NCAM2: variants seen among roughly 807,000 people sequenced by gnomAD.
NCAM2 encodes the protein N-CAM-2.
NCAM2 carries 30 observed loss-of-function variants against 98.1 expected under a neutral mutation model. That is an observed-to-expected ratio of 0.31 (90% CI 0.23 to 0.41). NCAM2 has a LOEUF of 0.41. NCAM2 is among the 10% of genes least tolerant of loss of function. The pLI is 1.00. For missense variants in NCAM2, 867 were observed against 1,005.8 expected (o/e 0.86, Z 1.87); for synonymous variants, 368 against 342.4 (o/e 1.07, Z -0.83).
intron 15 of NCAM2, among the ~76,000 whole-genome samples, chr21:21,482,781 T>TTCAA (rs1555905913): frequency 2.0e-5 from 3 of 151,122 alleles, no homozygotes; most frequent in African/African-American, 4.8e-5. Context: ...TTTTTCATTT[T>TTCAA]TTCTTATTAA....
chr21:21,123,847 G>GTTTTTTTT (rs1569047303), intron 1 of NCAM2, among the ~76,000 whole-genome samples: 1 of 14,814 alleles, frequency 6.8e-5, no homozygotes, highest in Admixed American at 1.1e-3. Context: ...ATTCTTGATT[G>GTTTTTTTT]CTTTTTTTTT....
chr21:21,462,087 G>T (rs1475491748), intron 12 of NCAM2, among the ~76,000 whole-genome samples: 2 of 151,994 alleles, frequency 1.3e-5, no homozygotes, highest in Non-Finnish European at 2.9e-5. Flanking sequence ...AAACTTGAGG[G>T]ACTTCACTGT....
intron 1 of NCAM2, among the ~76,000 whole-genome samples, chr21:21,224,999 C>T (rs994210138): frequency 1.3e-5 from 2 of 152,048 alleles, no homozygotes; most frequent in African/African-American, 2.4e-5. Context: ...ACATAAAAGA[C>T]ATGGAATCAA....
intron 1 of NCAM2, among the ~76,000 whole-genome samples, chr21:21,029,777 C>G (rs763304411): frequency 6.6e-5 from 10 of 151,866 alleles, no homozygotes; most frequent in Non-Finnish European, 1.5e-4. Context: ...GCTGCAAGTG[C>G]ACACCGCCAT....
At chr21:21,464,294 G>C (rs1483251230) in intron 12 of NCAM2, among the ~76,000 whole-genome samples, 2 of 151,976 alleles carry the variant, frequency 1.3e-5, no homozygotes, top group Non-Finnish European at 2.9e-5. Context: ...TCCAAAACAT[G>C]TTAGGCCTTA....
At chr21:21,332,256 T>G (rs189879442) in intron 6 of NCAM2, among the ~76,000 whole-genome samples, 2 of 152,154 alleles carry the variant, frequency 1.3e-5, no homozygotes, top group East Asian at 3.9e-4. Flanking sequence ...TGTTTTGGGG[T>G]GCTGAATATT....
intron 10 of NCAM2, among the ~76,000 whole-genome samples, chr21:21,416,839 C>A (rs920245634): frequency 3.3e-5 from 5 of 151,936 alleles, no homozygotes; most frequent in African/African-American, 1.2e-4. Context: ...TAGAATACAT[C>A]AAATAAGCTT....
At chr21:21,264,696 C>A (rs951738423) in intron 1 of NCAM2, among the ~76,000 whole-genome samples, 5 of 148,854 alleles carry the variant, frequency 3.4e-5, no homozygotes, top group African/African-American at 9.8e-5. Flanking sequence ...CACACACATA[C>A]ATACACACAC....
At chr21:21,066,926 C>A (rs767007564) in intron 1 of NCAM2, among the ~76,000 whole-genome samples, 2 of 151,910 alleles carry the variant, frequency 1.3e-5, no homozygotes, top group East Asian at 1.9e-4. Context: ...ATAACTGTAG[C>A]GTGTGTTAGA....
chr21:21,248,288 A>C (rs536027843), intron 1 of NCAM2, among the ~76,000 whole-genome samples: 3 of 152,128 alleles, frequency 2.0e-5, no homozygotes, highest in African/African-American at 7.2e-5. Context: ...ATGATTTCCA[A>C]TCTACTTTTC....
At chr21:21,276,711 T>G (rs560947284) in intron 1 of NCAM2, among the ~76,000 whole-genome samples, 114 of 152,214 alleles carry the variant, frequency 7.5e-4, no homozygotes, top group Middle Eastern at 3.4e-3. Flanking sequence ...TGCCAATGTT[T>G]TAATATATAT....
In NCAM2 at chr21:21,410,212, A is replaced by G. The variant is rs1602253037; in HGVS notation, c.1196-62A>G. 6 of 882,450 alleles carry G rather than the reference A, an allele frequency of 6.8e-6. No individual in the cohort carries two copies. In the Admixed American group the frequency reaches 9.7e-5, roughly 14 times the overall value. 54.7% of individuals were successfully genotyped at this position (882,450 alleles called of 1,614,324 possible). On this transcript the variant is annotated intron_variant, in intron 9 of 17. Coordinates refer to ENST00000400546, the MANE Select transcript of NCAM2 (RefSeq NM_004540.5). ...AGTAGAAATAACTAATGCTTATACT[A>G]CTTAAATGATTATTTAACTTAAAGA...
chr21:21,244,363 C>T (rs2071181590), intron 1 of NCAM2, among the ~76,000 whole-genome samples: 1 of 152,142 alleles, frequency 6.6e-6, no homozygotes, highest in Admixed American at 6.5e-5. Context: ...ATACAGTACA[C>T]AATTTATGCA....
chr21:21,372,636 G>C (rs1295837828), intron 8 of NCAM2, among the ~76,000 whole-genome samples: 1 of 151,796 alleles, frequency 6.6e-6, no homozygotes, highest in Non-Finnish European at 1.5e-5. Flanking sequence ...AATGACCTTG[G>C]ACTTTTAGTG....
chr21:21,290,490 T>C (rs1430550517), intron 4 of NCAM2, among the ~76,000 whole-genome samples: 1 of 151,882 alleles, frequency 6.6e-6, no homozygotes, highest in African/African-American at 2.4e-5. Context: ...GTCTTTCTTT[T>C]GATGAGGGCA....
At chr21:21,293,288 A>C in intron 5 of NCAM2, among the ~76,000 whole-genome samples, 1 of 149,170 alleles carries the variant, frequency 6.7e-6, no homozygotes, top group African/African-American at 2.5e-5. Flanking sequence ...TGGTGATCTA[A>C]TTTTTTTTTT....
intron 16 of NCAM2, among the ~76,000 whole-genome samples, chr21:21,531,186 G>C (rs2146418812): frequency 6.6e-6 from 1 of 151,914 alleles, no homozygotes; most frequent in Middle Eastern, 3.4e-3. Flanking sequence ...ATTTGATTTT[G>C]TATTACTTGC....
chr21:21,182,797 G>A (rs1569118989), intron 1 of NCAM2, among the ~76,000 whole-genome samples: 1 of 152,044 alleles, frequency 6.6e-6, no homozygotes, highest in South Asian at 2.1e-4. Flanking sequence ...ATCAGCACTT[G>A]GCAACTTGAC....
chr21:21,101,431 T>C (rs960271837), intron 1 of NCAM2, among the ~76,000 whole-genome samples: 2 of 152,070 alleles, frequency 1.3e-5, no homozygotes, highest in Non-Finnish European at 2.9e-5. Context: ...TGGTGCACAC[T>C]ACCTTATTGA....
Sources: gnomAD v4.1 joint callset for allele counts (sites outside exome capture counted in the v4.1 genomes callset) on GRCh38, gnomAD v4.1.1 for gene constraint, MANE v1.5 for transcripts, NCBI Gene and HGNC (gene_info 2026-07-23, HGNC 2026-07-21) for gene names.